Variants in FMN1 observed in about 807,000 individuals in gnomAD.
FMN1 encodes the protein formin-1.
FMN1 carries 110 observed loss-of-function variants against 132.4 expected under a neutral mutation model. The observed-to-expected ratio is 0.83, with a 90% CI of 0.71 to 0.97. FMN1 has a LOEUF of 0.97. Ranked by LOEUF, FMN1 falls within the 50% of genes least tolerant of loss-of-function variation. The pLI is 0.00. For missense variants in FMN1, 1,792 were observed against 1,705.3 expected (o/e 1.05, Z -0.90); for synonymous variants, 722 against 651.7 (o/e 1.11, Z -1.64).
chr15:33,099,261 A>C (rs71462847), intron 4 of FMN1, among the ~76,000 whole-genome samples: 3,756 of 152,316 alleles, frequency 0.025, 83 homozygotes, highest in Non-Finnish European at 0.033. Context: ...ATTGCACTTC[A>C]ACCTGGGTGG....
intron 6 of FMN1, among the ~76,000 whole-genome samples, chr15:33,014,116 T>C (rs753083546): frequency 6.6e-6 from 1 of 152,204 alleles, no homozygotes; most frequent in Non-Finnish European, 1.5e-5. Context: ...CTGGGCAGCA[T>C]GTAGAAGGAG....
chr15:32,967,953 C>G (rs1175311925), intron 8 of FMN1, among the ~76,000 whole-genome samples: 2 of 152,244 alleles, frequency 1.3e-5, no homozygotes, highest in Non-Finnish European at 2.9e-5. Context: ...CTTTCACTGT[C>G]CTCCTTCCAG....
intron 19 of FMN1, among the ~76,000 whole-genome samples, chr15:32,796,947 T>C (rs2057310245): frequency 6.6e-6 from 1 of 152,204 alleles, no homozygotes; most frequent in African/African-American, 2.4e-5. Context: ...AAGGGTCCCC[T>C]GAAACTGCGA....
chr15:33,011,705 CATCAATCAAGATCT>C (rs57195701), intron 6 of FMN1, among the ~76,000 whole-genome samples: 2,808 of 152,056 alleles, frequency 0.018, 77 homozygotes, highest in African/African-American at 0.061. Context: ...CTTGCAACAC[CATCAATCAAGATCT>C]AGTGTAAATA....
chr15:33,182,609 A>G (rs1965742263), intron 2 of FMN1, among the ~76,000 whole-genome samples: 1 of 152,224 alleles, frequency 6.6e-6, no homozygotes, highest in Non-Finnish European at 1.5e-5. Context: ...ATACAAGTGA[A>G]GGAAGGAAGT....
At chr15:33,128,141 A>G (rs895252794) in intron 4 of FMN1, among the ~76,000 whole-genome samples, 4 of 151,752 alleles carry the variant, frequency 2.6e-5, no homozygotes, top group Non-Finnish European at 5.9e-5. Flanking sequence ...GGAGCAGTAG[A>G]GAGTGTAACA....
chr15:32,783,744 CAAA>C lies in FMN1; in HGVS notation c.4131-6828_4131-6826del, dbSNP rs533699379. Among the ~76,000 whole-genome samples, 48 of 64,250 alleles carry C rather than the reference CAAA, an allele frequency of 7.5e-4. 13 individuals carry two copies. The highest frequency in any genetic ancestry group is 2.5e-3 in the African/African-American group (44 of 17,408). The allele number at this position is 64,250 out of a possible 152,430, so 42.2% of individuals were successfully genotyped here. On this transcript the variant is annotated intron_variant, in intron 19 of 20. Transcript: ENST00000616417. Reference sequence around the variant, plus strand: ...TGGGCGACAGAGCGAGACTCTGTTTCAAAAAAAAAAAAAAAAAAAAAAAAAAAA... The same window carrying C: ...TGGGCGACAGAGCGAGACTCTGTTTCAAAAAAAAAAAAAAAAAAAAAAAAA...
intron 17 of FMN1, among the ~76,000 whole-genome samples, chr15:32,854,388 C>A (rs573475764): frequency 6.6e-6 from 1 of 152,170 alleles, no homozygotes; most frequent in South Asian, 2.1e-4. Context: ...CAACAGTAGA[C>A]TTTTCTACCA....
rs781586843 is a variant in FMN1, at chr15:32,969,195, A to AGAT, written c.2503_2505dup (p.Ile835dup). On this transcript the variant is annotated inframe_insertion, in exon 8 of 21. Coordinates refer to ENST00000616417, the MANE Select transcript of FMN1 (RefSeq NM_001277313.2). The stretch of plus-strand genomic sequence containing the variant: ...GGGGGTGAGAGCTGGCTTAAAGAGG[A>AGAT]GATATTCAGCTTTTTGGGTACTAAT... 4.3e-6 allele frequency: 7 copies of AGAT among 1,613,590 alleles called. No homozygotes were observed. Among genetic ancestry groups the AGAT allele is most frequent in the Non-Finnish European group, 5.1e-6 (6 of 1,179,846 alleles).
chr15:32,898,388 G>A (rs2141577398), intron 15 of FMN1, among the ~76,000 whole-genome samples: 1 of 152,294 alleles, frequency 6.6e-6, no homozygotes, highest in South Asian at 2.1e-4. Context: ...CCTCTAAGCA[G>A]AAAAGATGGA....
intron 4 of FMN1, among the ~76,000 whole-genome samples, chr15:33,115,088 C>G (rs532603954): frequency 6.6e-6 from 1 of 152,268 alleles, no homozygotes; most frequent in African/African-American, 2.4e-5. Context: ...CTATGCCAGG[C>G]ACGGAATCAT....
chr15:33,038,522 T>G (rs2036285340), intron 6 of FMN1, among the ~76,000 whole-genome samples: 1 of 152,224 alleles, frequency 6.6e-6, no homozygotes, highest in South Asian at 2.1e-4. Context: ...AAATAAGTTG[T>G]TAAAATGTCC....
At chr15:33,061,855 T>C (rs887465940) in intron 6 of FMN1, among the ~76,000 whole-genome samples, 9 of 152,102 alleles carry the variant, frequency 5.9e-5, no homozygotes, top group African/African-American at 2.2e-4. Context: ...TCTGACTGTA[T>C]ACCAAATTAA....
chr15:32,801,148 A>G (rs187831874), intron 18 of FMN1, among the ~76,000 whole-genome samples: 206 of 152,278 alleles, frequency 1.4e-3, no homozygotes, highest in Non-Finnish European at 2.3e-3. Flanking sequence ...AGAGAATGTC[A>G]AGAGTGATTT....
intron 16 of FMN1, among the ~76,000 whole-genome samples, chr15:32,869,155 A>C (rs945049049): frequency 6.6e-6 from 1 of 152,204 alleles, no homozygotes; most frequent in Non-Finnish European, 1.5e-5. Flanking sequence ...GAATGAGTTA[A>C]GTGGTGTAGC....
At chr15:33,040,744 A>G (rs1232649349) in intron 6 of FMN1, among the ~76,000 whole-genome samples, 1 of 152,256 alleles carries the variant, frequency 6.6e-6, no homozygotes, top group Non-Finnish European at 1.5e-5. Context: ...ATGTAGCTCA[A>G]CATACAATAG....
intron 10 of FMN1, among the ~76,000 whole-genome samples, chr15:32,915,594 C>A (rs1361092133): frequency 1.3e-5 from 2 of 152,222 alleles, no homozygotes; most frequent in Non-Finnish European, 2.9e-5. Flanking sequence ...CCAACAAATA[C>A]AAGCCTATGC....
intron 17 of FMN1, among the ~76,000 whole-genome samples, chr15:32,804,990 T>C (rs930160716): frequency 2.0e-5 from 3 of 152,322 alleles, no homozygotes; most frequent in East Asian, 1.9e-4. Flanking sequence ...TATATCTTTA[T>C]AGTAGCATGA....
intron 16 of FMN1, among the ~76,000 whole-genome samples, chr15:32,886,081 G>A (rs761584460): frequency 1.3e-4 from 20 of 152,106 alleles, no homozygotes; most frequent in Non-Finnish European, 2.1e-4. Context: ...AAGATGAAAC[G>A]GACCGCCACG....
Sources: gnomAD v4.1 joint callset for allele counts (sites outside exome capture counted in the v4.1 genomes callset) on GRCh38, gnomAD v4.1.1 for gene constraint, MANE v1.5 for transcripts, NCBI Gene and HGNC (gene_info 2026-07-23, HGNC 2026-07-21) for gene names.